The following CAB39L variants were observed in gnomAD, a reference collection of about 807,000 sequenced individuals.
The protein encoded by CAB39L is calcium binding protein 39 like, also known as calcium-binding protein 39-like.
Under a neutral mutation model 39.1 loss-of-function variants are expected in CAB39L, and 23 were observed. That is an observed-to-expected ratio of 0.59 (90% CI 0.42 to 0.83). The LOEUF (loss-of-function observed/expected upper bound fraction) is 0.83. Ranked by LOEUF, CAB39L falls within the 40% of genes least tolerant of loss-of-function variation. The probability of loss-of-function intolerance (pLI) is 0.00; values close to 1 mark genes in which losing one functional copy is unlikely to be tolerated. For synonymous variants in CAB39L, 126 were observed against 137.2 expected (o/e 0.92, Z 0.57); for missense variants, 366 against 391.9 (o/e 0.93, Z 0.56).
chr13:49,428,442 G>T (rs1957273786), intron 3 of CAB39L, among the ~76,000 whole-genome samples: 1 of 152,176 alleles, frequency 6.6e-6, no homozygotes, highest in African/African-American at 2.4e-5. Context: ...TTAACATTCT[G>T]CTGTTTTTTA....
At chr13:49,372,337 C>G (rs950141768) in intron 5 of CAB39L, among the ~76,000 whole-genome samples, 1 of 152,048 alleles carries the variant, frequency 6.6e-6, no homozygotes, top group Non-Finnish European at 1.5e-5. Flanking sequence ...TTTATTTAAC[C>G]CAAAGGCCGA....
chr13:49,336,816 C>T (rs539609550), intron 9 of CAB39L, among the ~76,000 whole-genome samples: 2 of 152,300 alleles, frequency 1.3e-5, no homozygotes, highest in South Asian at 4.1e-4. Flanking sequence ...ACGTATGCAG[C>T]TGTATAAAGA....
intron 5 of CAB39L, among the ~76,000 whole-genome samples, chr13:49,375,259 C>A (rs1594013308): frequency 1.3e-5 from 2 of 152,116 alleles, no homozygotes; most frequent in East Asian, 3.9e-4. Context: ...AACTTAAGCT[C>A]AAAGAGGTTA....
At chr13:49,430,126 T>C (rs1957298721) in intron 3 of CAB39L, among the ~76,000 whole-genome samples, 1 of 152,222 alleles carries the variant, frequency 6.6e-6, no homozygotes, top group African/African-American at 2.4e-5. Flanking sequence ...ATAATACTTA[T>C]TCTCCTTTTA....
At chr13:49,382,311 C>T (rs1011555430) in intron 4 of CAB39L, among the ~76,000 whole-genome samples, 1 of 151,968 alleles carries the variant, frequency 6.6e-6, no homozygotes, top group Admixed American at 6.6e-5. Context: ...ACTATGAACT[C>T]GTGTATTTCT....
intron 10 of CAB39L, 147 bp downstream of exon 10, chr13:49,331,800 G>C (rs1188515675): frequency 8.4e-6 from 6 of 713,234 alleles, no homozygotes; most frequent in Non-Finnish European, 1.4e-5. Context: ...AGATAACTCT[G>C]AAATTTCATC....
chr13:49,431,698 C>T (rs1473981479), intron 3 of CAB39L, among the ~76,000 whole-genome samples: 1 of 151,436 alleles, frequency 6.6e-6, no homozygotes, highest in Non-Finnish European at 1.5e-5. Flanking sequence ...CAGAGTGAGA[C>T]TCTGTCTTAA....
At chr13:49,391,515 C>T (rs1956488382) in intron 3 of CAB39L, among the ~76,000 whole-genome samples, 2 of 151,994 alleles carry the variant, frequency 1.3e-5, no homozygotes, top group African/African-American at 4.8e-5. Flanking sequence ...TTAAAAAATC[C>T]AACCATCTGG....
chr13:49,416,002 T>C (rs569649586), intron 3 of CAB39L, among the ~76,000 whole-genome samples: 1 of 152,332 alleles, frequency 6.6e-6, no homozygotes, highest in South Asian at 2.1e-4. Context: ...TTTTTTGTCC[T>C]ACAAAGCAAA....
At chr13:49,344,047 G>T in intron 8 of CAB39L, 132 bp downstream of exon 8, 1 of 665,440 alleles carries the variant, frequency 1.5e-6, no homozygotes, top group Non-Finnish European at 2.7e-6. Flanking sequence ...CTGGTTTCCA[G>T]GTAGACAAAT....
chr13:49,400,711 GAA>G (rs1425527441), intron 3 of CAB39L, among the ~76,000 whole-genome samples: 3 of 152,012 alleles, frequency 2.0e-5, no homozygotes, highest in Admixed American at 6.6e-5. Context: ...AATTATGAGA[GAA>G]TGCTGTAATT....
At chr13:49,321,898 C>T (rs1397446879) in intron 10 of CAB39L, among the ~76,000 whole-genome samples, 1 of 152,164 alleles carries the variant, frequency 6.6e-6, no homozygotes, top group Non-Finnish European at 1.5e-5. Flanking sequence ...CTGAACAATT[C>T]AAGCCTGTAG....
At chr13:49,398,288 CTAAT>C (rs1399555471) in intron 3 of CAB39L, among the ~76,000 whole-genome samples, 6 of 152,056 alleles carry the variant, frequency 3.9e-5, no homozygotes, top group Admixed American at 3.9e-4. Context: ...TCTGTTTAAA[CTAAT>C]TAATTAGTGA....
At chr13:49,336,585 C>T (rs1335062864) in intron 9 of CAB39L, among the ~76,000 whole-genome samples, 2 of 152,052 alleles carry the variant, frequency 1.3e-5, no homozygotes, top group South Asian at 2.1e-4. Flanking sequence ...ATAAATCTCT[C>T]GATTTTGATC....
intron 3 of CAB39L, among the ~76,000 whole-genome samples, chr13:49,430,208 A>C (rs1957299716): frequency 6.6e-6 from 1 of 152,234 alleles, no homozygotes; most frequent in Admixed American, 6.5e-5. Flanking sequence ...AATTGCACTT[A>C]ACTAAAGATG....
At chr13:49,443,937 C>G (rs1957598144) in intron 1 of CAB39L, 49 bp downstream of exon 1, 1 of 456,776 alleles carries the variant, frequency 2.2e-6, no homozygotes, top group South Asian at 1.5e-5. Flanking sequence ...TTTTCAACCC[C>G]CAAGAAGCCC....
At chr13:49,347,800 G>T (rs1955225557) in intron 7 of CAB39L, among the ~76,000 whole-genome samples, 1 of 152,018 alleles carries the variant, frequency 6.6e-6, no homozygotes, top group Admixed American at 6.6e-5. Flanking sequence ...GAGCCATGCT[G>T]CCCTCACCGC....
chr13:49,404,477 C>T (rs1377740522), intron 3 of CAB39L, among the ~76,000 whole-genome samples: 3 of 151,308 alleles, frequency 2.0e-5, no homozygotes, highest in Non-Finnish European at 4.4e-5. Context: ...CAAATAAGCT[C>T]GGAGTGTGAA....
chr13:49,342,352 A>G (rs1238072066), intron 8 of CAB39L, among the ~76,000 whole-genome samples: 1 of 152,236 alleles, frequency 6.6e-6, no homozygotes, highest in Non-Finnish European at 1.5e-5. Flanking sequence ...AAAGATTTCA[A>G]TCAATAAAGA....
Sources: gnomAD v4.1 joint callset for allele counts (sites outside exome capture counted in the v4.1 genomes callset) on GRCh38, gnomAD v4.1.1 for gene constraint, MANE v1.5 for transcripts, NCBI Gene and HGNC (gene_info 2026-07-23, HGNC 2026-07-21) for gene names.